KCNN2: variants seen among roughly 807,000 people sequenced by gnomAD.
The protein encoded by KCNN2 is small conductance calcium-activated potassium channel protein 2.
A neutral mutation model predicts 55.5 loss-of-function variants in KCNN2; 24 were observed. The ratio of observed to expected loss-of-function variants is 0.43; its 90% CI spans 0.31 to 0.61. KCNN2 has a LOEUF of 0.61. Ranked by LOEUF, KCNN2 falls within the 20% of genes least tolerant of loss-of-function variation. KCNN2 has a pLI of 0.08. For synonymous variants in KCNN2, 431 were observed against 336.1 expected, an observed-to-expected ratio of 1.28 and a Z score of -3.09; for missense variants, 754 against 853.6, an observed-to-expected ratio of 0.88 and a Z score of 1.45.
intron 1 of KCNN2, among the ~76,000 whole-genome samples, chr5:114,179,742 C>T (rs1248438803): frequency 6.6e-6 from 1 of 152,182 alleles, no homozygotes; most frequent in African/African-American, 2.4e-5. Context: ...CACAGTAGAG[C>T]GTTTAAAACC....
chr5:114,317,186 TA>T (rs1756517316), intron 2 of KCNN2, among the ~76,000 whole-genome samples: 1 of 152,030 alleles, frequency 6.6e-6, no homozygotes, highest in Non-Finnish European at 1.5e-5. Context: ...AAAAAGAAAA[TA>T]GAGCCTTGTC....
intron 2 of KCNN2, among the ~76,000 whole-genome samples, chr5:114,338,675 T>C (rs1383049854): frequency 6.6e-6 from 1 of 152,022 alleles, no homozygotes. Context: ...ATGAGCAGGG[T>C]AAAGAATAGC....
chr5:114,465,130 A>T (rs2150117223), intron 4 of KCNN2, among the ~76,000 whole-genome samples: 1 of 152,344 alleles, frequency 6.6e-6, no homozygotes, highest in Non-Finnish European at 1.5e-5. Flanking sequence ...TTTGCCATGG[A>T]ATCTGAGCCA....
At chr5:114,453,398 C>T (rs756827337) in intron 3 of KCNN2, among the ~76,000 whole-genome samples, 8 of 152,156 alleles carry the variant, frequency 5.3e-5, no homozygotes, top group Admixed American at 2.0e-4. Context: ...ATATTTAGCT[C>T]GGTCTATTTT....
chr5:114,149,463 G>A (rs977300496), intron 1 of KCNN2, among the ~76,000 whole-genome samples: 2 of 152,150 alleles, frequency 1.3e-5, no homozygotes, highest in African/African-American at 4.8e-5. Context: ...TGAAAGCTGG[G>A]TCCAGGGGGG....
chr5:114,058,130 A>G (rs1228060374), intron 1 of KCNN2, among the ~76,000 whole-genome samples: 1 of 152,234 alleles, frequency 6.6e-6, no homozygotes, highest in Non-Finnish European at 1.5e-5. Flanking sequence ...GGTTTCAATA[A>G]TGAAAACCTG....
At chr5:114,226,069 A>G (rs3890748) in intron 2 of KCNN2, among the ~76,000 whole-genome samples, 124,406 of 152,140 alleles carry the variant, frequency 0.82, 51,008 homozygotes, top group East Asian at 0.9. Context: ...AGGGATTAGA[A>G]GAAGAGCAGA....
chr5:114,067,869 A>T (rs1750483841), intron 1 of KCNN2, among the ~76,000 whole-genome samples: 1 of 152,246 alleles, frequency 6.6e-6, no homozygotes, highest in South Asian at 2.1e-4. Flanking sequence ...TTTCCCATTC[A>T]TACATATATA....
intron 5 of KCNN2, among the ~76,000 whole-genome samples, chr5:114,475,299 G>T (rs1181548746): frequency 2.0e-5 from 3 of 151,376 alleles, no homozygotes; most frequent in East Asian, 1.9e-4. Context: ...TTTCATGTGG[G>T]ACTGTCCTGT....
intron 2 of KCNN2, among the ~76,000 whole-genome samples, chr5:114,334,259 GAT>G (rs1491170731): frequency 7.9e-6 from 1 of 126,304 alleles, no homozygotes; most frequent in Admixed American, 9.0e-5. Context: ...CCATATGCCT[GAT>G]GTGTGTGTGT....
rs114461854 is a variant in KCNN2 at position 114,446,976 on chromosome 5, A to T, written c.1638-16073A>T. Among the ~76,000 whole-genome samples the T allele has an allele frequency of 5.7e-3, 865 of 152,308 alleles. 13 individuals are homozygous for T. Among genetic ancestry groups the T allele is most frequent in the African/African-American group, 0.02 (824 of 41,576 alleles). ...AAAATCTAGTTCCTCATTTGACACT[A>T]TTCATCTTCAGGTGCTCAGTAGACA... On this transcript the variant is annotated intron_variant, in intron 3 of 7. Coordinates refer to ENST00000673685, the MANE Select transcript of KCNN2 (RefSeq NM_021614.4).
At chr5:114,161,283 A>G (rs1752774538) in intron 1 of KCNN2, among the ~76,000 whole-genome samples, 2 of 151,830 alleles carry the variant, frequency 1.3e-5, no homozygotes, top group South Asian at 4.2e-4. Context: ...CTGGATATGA[A>G]ATTCTGGGTT....
chr5:114,088,775 AT>A (rs1296416192), intron 1 of KCNN2, among the ~76,000 whole-genome samples: 1 of 151,938 alleles, frequency 6.6e-6, no homozygotes, highest in Non-Finnish European at 1.5e-5. Context: ...GTCTGCCACC[AT>A]TATCAGCTAA....
intron 2 of KCNN2, among the ~76,000 whole-genome samples, chr5:114,352,431 C>T (rs141194906): frequency 7.3e-4 from 111 of 151,710 alleles, no homozygotes; most frequent in South Asian, 3.3e-3. Flanking sequence ...TTAACTTCCA[C>T]TCTAGTCTTC....
intron 1 of KCNN2, among the ~76,000 whole-genome samples, chr5:114,200,881 C>G (rs1357555387): frequency 2.6e-5 from 4 of 152,014 alleles, no homozygotes; most frequent in Non-Finnish European, 2.9e-5. Flanking sequence ...GTCAAGTGAG[C>G]CAGTCTTTGG....
At chr5:114,287,664 T>C (rs1447738304) in intron 2 of KCNN2, among the ~76,000 whole-genome samples, 1 of 151,832 alleles carries the variant, frequency 6.6e-6, no homozygotes, top group Admixed American at 6.6e-5. Flanking sequence ...GCTTAAAACC[T>C]AGATGACGGG....
Position 114,463,263 on chromosome 5 carries a change from A to G in KCNN2, c.1779+73A>G, listed in dbSNP as rs188470933. 1,897 of 1,195,666 alleles carry G rather than the reference A, an allele frequency of 1.6e-3. 6 individuals are homozygous for G. The highest frequency in any genetic ancestry group is 2.4e-3 in the Admixed American group (102 of 42,796). The allele number at this position is 1,195,666 out of a possible 1,614,324, so 74.1% of individuals were successfully genotyped here. ...CACTTAAACCACTCAGTCCACGTGC[A>G]TAAGTAATTGTGAGCTACTTCTTTT... On this transcript the variant is annotated intron_variant, in intron 4 of 7. Transcript: ENST00000673685.
intron 1 of KCNN2, among the ~76,000 whole-genome samples, chr5:114,170,004 A>G (rs1561507825): frequency 1.3e-5 from 2 of 152,106 alleles, no homozygotes; most frequent in Admixed American, 6.6e-5. Flanking sequence ...CTGCTATTGT[A>G]AATGGAAAGA....
intron 2 of KCNN2, among the ~76,000 whole-genome samples, chr5:114,383,859 G>A (rs1046204587): frequency 6.6e-6 from 1 of 152,188 alleles, no homozygotes; most frequent in Non-Finnish European, 1.5e-5. Context: ...GAGAAGTCAG[G>A]ATGTGTTTGC....
Sources: gnomAD v4.1 joint callset for allele counts (sites outside exome capture counted in the v4.1 genomes callset) on GRCh38, gnomAD v4.1.1 for gene constraint, MANE v1.5 for transcripts, NCBI Gene and HGNC (gene_info 2026-07-23, HGNC 2026-07-21) for gene names.